Variants in HIBCH observed in about 807,000 individuals in gnomAD.
HIBCH encodes 3-hydroxyisobutyryl-CoA hydrolase, mitochondrial.
Under a neutral mutation model 58.2 loss-of-function variants are expected in HIBCH, and 50 were observed. That is an observed-to-expected ratio of 0.86 (90% CI 0.68 to 1.09). HIBCH has a LOEUF of 1.09. Among genes scored for constraint, HIBCH ranks in the 50% least tolerant of loss-of-function variants. The pLI is 0.00. For missense variants in HIBCH, 450 were observed against 449.7 expected (o/e 1.00, Z -0.01); for synonymous variants, 151 against 146.9 (o/e 1.03, Z -0.20).
In HIBCH at chr2:190,197,574, C is replaced by G. The variant is rs1447882517; in HGVS notation, c.*17+7526G>C. ...CCTCTGTTGCATCAGAGTTGCCACTCTCTGACTCTCCTGGGGCTCAACTCC... is the reference window on the plus strand; with the variant it reads ...CCTCTGTTGCATCAGAGTTGCCACTGTCTGACTCTCCTGGGGCTCAACTCC... On this transcript the variant is annotated intron_variant, in intron 1 of 1. Coordinates refer to the HIBCH transcript ENST00000399855. This position sits in a 1 kb window ranked among gnomAD's most constrained non-coding sequence, Gnocchi z 4.0. Among the ~76,000 whole-genome samples, 1 of 152,140 alleles carries G rather than the reference C, an allele frequency of 6.6e-6. No homozygotes were observed. The highest frequency in any genetic ancestry group is 1.5e-5 in the Non-Finnish European group (1 of 68,030).
At chr2:190,296,518 T>C (rs1688107509) in intron 3 of HIBCH, among the ~76,000 whole-genome samples, 1 of 151,230 alleles carries the variant, frequency 6.6e-6, no homozygotes, top group African/African-American at 2.4e-5. Context: ...AGAACCAGTA[T>C]CATTGGTTTA....
rs2105900207 is a variant in HIBCH at position 190,211,106 on chromosome 2, CCCTGGAGCACA to C, written c.1011+1839_1011+1849del. Among the ~76,000 whole-genome samples the C allele has an allele frequency of 6.6e-6, 1 of 152,288 alleles. No homozygotes were observed. Among genetic ancestry groups the C allele is most frequent in the African/African-American group, 2.4e-5 (1 of 41,546 alleles). On this transcript the variant is annotated intron_variant, in intron 12 of 13. Transcript: ENST00000359678. This position sits in a 1 kb window ranked among gnomAD's most constrained non-coding sequence, Gnocchi z 5.0. ...TGTTTTCTGCCTTTTCAACCTCAAC[CCCTGGAGCACA>C]CCTATGTACCTGGAACCTATGTACC...
rs150684373 is a variant in HIBCH, at chr2:190,285,833, G to C, written c.438+1753C>G. Among the ~76,000 whole-genome samples the C allele has an allele frequency of 2.6e-5, 4 of 152,084 alleles. No individual in the cohort carries two copies. In the East Asian group the frequency reaches 5.8e-4, roughly 22 times the overall value. Reference sequence around the variant, plus strand: ...AGAAGTTCTCTAACCTACCTCTTCTGAAAGTATGTCTTTTTGTTTTGTTTT... The same window carrying C: ...AGAAGTTCTCTAACCTACCTCTTCTCAAAGTATGTCTTTTTGTTTTGTTTT... On this transcript the variant is annotated intron_variant, in intron 6 of 13. Coordinates refer to ENST00000359678, the MANE Select transcript of HIBCH (RefSeq NM_014362.4).
intron 2 of HIBCH, among the ~76,000 whole-genome samples, chr2:190,305,137 T>C (rs1688368939): frequency 6.6e-6 from 1 of 151,850 alleles, no homozygotes; most frequent in Non-Finnish European, 1.5e-5. Context: ...AGTTAAGAGA[T>C]TAAAGAGTGA....
rs1688801735 is a variant in HIBCH, at chr2:190,319,786, A to C, written c.-36T>G. 2 of 1,601,692 alleles carry C rather than the reference A, an allele frequency of 1.2e-6. No individual in the cohort carries two copies. Among genetic ancestry groups the C allele is most frequent in the Non-Finnish European group, 1.7e-6 (2 of 1,173,866 alleles). ...TCCGAAGCTAAAGCAGCAGAGCGAG[A>C]ATCTCCCGGACCGTTCCAGCGCCTC... On this transcript the variant is annotated 5_prime_UTR_variant, in exon 1 of 14. It adds an upstream start codon to the 5' untranslated region. Transcript: ENST00000359678.
Position 190,206,366 on chromosome 2 carries a change from T to G in HIBCH, c.1046-1134A>C, listed in dbSNP as rs1690391118. The stretch of plus-strand genomic sequence containing the variant: ...TAAACAAAGAACAACCCCGGCACAT[T>G]TTTTCCACAAGAATCTCTCTCACTC... On this transcript the variant is annotated intron_variant, in intron 13 of 13. Coordinates refer to ENST00000359678, the MANE Select transcript of HIBCH (RefSeq NM_014362.4). The surrounding 1 kb of genome is among the most constrained non-coding windows in gnomAD (Gnocchi z 5.1). Among the ~76,000 whole-genome samples, 1 of 152,178 alleles carries G rather than the reference T, an allele frequency of 6.6e-6. No individual in the cohort carries two copies. The highest frequency in any genetic ancestry group is 1.5e-5 in the Non-Finnish European group (1 of 68,024).
chr2:190,225,180 A>G (rs1197780506), intron 11 of HIBCH, among the ~76,000 whole-genome samples: 1 of 152,244 alleles, frequency 6.6e-6, no homozygotes, highest in Non-Finnish European at 1.5e-5. Flanking sequence ...AAGATCTAAA[A>G]TTGACACCCT....
At chr2:190,307,198 G>A (rs1300790298) in intron 2 of HIBCH, among the ~76,000 whole-genome samples, 1 of 152,060 alleles carries the variant, frequency 6.6e-6, no homozygotes, top group Non-Finnish European at 1.5e-5. Context: ...ATCATAATAA[G>A]AACATGTGTA....
chr2:190,198,631 CAAAAAAAAAAA>C (rs35125102), intron 1 of HIBCH, among the ~76,000 whole-genome samples: 14 of 70,592 alleles, frequency 2.0e-4, no homozygotes, highest in Admixed American at 1.3e-3. Flanking sequence ...GACCCTGTCT[CAAAAAAAAAAA>C]AAAAAAAAAA....
rs1020664915 is a variant in HIBCH, at chr2:190,254,559, A to C, written c.518-2252T>G. On this transcript the variant is annotated intron_variant, in intron 7 of 13. Transcript: ENST00000359678. The surrounding 1 kb of genome is among the most constrained non-coding windows in gnomAD (Gnocchi z 5.0). ...CACTGAACTCTTAGATCTGCCACCT[A>C]AACAGAACCACATAGATAATAAGTA... Among the ~76,000 whole-genome samples the C allele has an allele frequency of 1.3e-5, 2 of 151,358 alleles. No individual in the cohort carries two copies. Among genetic ancestry groups the C allele is most frequent in the African/African-American group, 2.5e-5 (1 of 40,634 alleles).
chr2:190,301,952 G>C (rs187482063), intron 2 of HIBCH, among the ~76,000 whole-genome samples: 1 of 152,208 alleles, frequency 6.6e-6, no homozygotes, highest in African/African-American at 2.4e-5. Flanking sequence ...CATCACATTT[G>C]GTATTAGGCT....
At chr2:190,228,583 C>A (rs947587188) in intron 11 of HIBCH, among the ~76,000 whole-genome samples, 2 of 151,774 alleles carry the variant, frequency 1.3e-5, no homozygotes, top group Non-Finnish European at 2.9e-5. Flanking sequence ...ACAGACTGTT[C>A]TAGAAAATTT....
downstream of HIBCH, chr2:190,199,732 A>G: frequency 6.7e-7 from 1 of 1,494,140 alleles, no homozygotes; most frequent in Non-Finnish European, 8.9e-7. Flanking sequence ...GAAAGGGAAC[A>G]TTGATTACTG....
At chr2:190,295,220 A>T (rs1442411683) in intron 3 of HIBCH, among the ~76,000 whole-genome samples, 2 of 152,228 alleles carry the variant, frequency 1.3e-5, no homozygotes, top group African/African-American at 2.4e-5. Context: ...AGTTACCCAC[A>T]GACAGAAAAC....
chr2:190,231,028 A>G lies in HIBCH; in HGVS notation c.891+13859T>C, dbSNP rs141111341. ...AGAAATACATAATTAGTTCTTTCAA[A>G]AGCCATTGTCCCAGAAACAGACTCC... On this transcript the variant is annotated intron_variant, in intron 11 of 13. Transcript: ENST00000359678. Among the ~76,000 whole-genome samples the G allele has an allele frequency of 6.6e-3, 1,003 of 152,348 alleles. 20 individuals are homozygous for G. The highest frequency in any genetic ancestry group is 0.023 in the African/African-American group (966 of 41,578).
chr2:190,288,641 A>G (rs1270187793), intron 5 of HIBCH, among the ~76,000 whole-genome samples: 1 of 152,052 alleles, frequency 6.6e-6, no homozygotes. Flanking sequence ...TGGAATGGTT[A>G]CACAGTAAGA....
intron 6 of HIBCH, among the ~76,000 whole-genome samples, chr2:190,269,214 A>C (rs2105961868): frequency 6.6e-6 from 1 of 152,348 alleles, no homozygotes; most frequent in Non-Finnish European, 1.5e-5. Flanking sequence ...AATGCCAACA[A>C]AAGCCAAAAT....
chr2:190,208,595 T>C, intron 13 of HIBCH: 1 of 451,470 alleles, frequency 2.2e-6, no homozygotes, highest in East Asian at 4.2e-5. Context: ...AAGTTTAATT[T>C]TCACTACTAA....
intron 3 of HIBCH, 125 bp from the exon 4 acceptor site, chr2:190,294,755 C>T: frequency 1.4e-6 from 1 of 706,848 alleles, no homozygotes; most frequent in Non-Finnish European, 2.6e-6. Context: ...AGTACATATT[C>T]TTCTGTAAGG....
Sources: allele counts gnomAD v4.1 joint callset (sites outside exome capture counted in the v4.1 genomes callset), GRCh38; gene constraint gnomAD v4.1.1; non-coding constraint Gnocchi (gnomAD v3.1); transcripts MANE v1.5; gene names NCBI Gene and HGNC (gene_info 2026-07-23, HGNC 2026-07-21).